Variants in CSMD3 observed in about 807,000 individuals in gnomAD.
CSMD3 encodes CUB and sushi domain-containing protein 3.
Under a neutral mutation model 435.2 loss-of-function variants are expected in CSMD3, and 177 were observed. The observed-to-expected ratio is 0.41, with a 90% CI of 0.36 to 0.46. The LOEUF (loss-of-function observed/expected upper bound fraction) is 0.46. CSMD3 is among the 20% of genes least tolerant of loss of function. The probability of loss-of-function intolerance (pLI) is 0.34; values close to 1 mark genes in which losing one functional copy is unlikely to be tolerated. For missense variants in CSMD3, 4,265 were observed against 4,504.6 expected (o/e 0.95, Z 1.52); for synonymous variants, 1,656 against 1,520.5 (o/e 1.09, Z -2.07).
At chr8:112,280,268 C>T (rs1372609973) in intron 59 of CSMD3, among the ~76,000 whole-genome samples, 1 of 152,034 alleles carries the variant, frequency 6.6e-6, no homozygotes, top group African/African-American at 2.4e-5. Context: ...CATGAACACA[C>T]AGTCTAAACA....
At chr8:113,256,875 T>A (rs1450260613) in intron 3 of CSMD3, among the ~76,000 whole-genome samples, 1 of 152,128 alleles carries the variant, frequency 6.6e-6, no homozygotes, top group Non-Finnish European at 1.5e-5. Context: ...CATATTAGAT[T>A]ACGTAGAAAT....
intron 9 of CSMD3, among the ~76,000 whole-genome samples, chr8:112,932,252 C>A (rs2083133547): frequency 6.6e-6 from 1 of 152,164 alleles, no homozygotes; most frequent in African/African-American, 2.4e-5. Flanking sequence ...GAATACTATT[C>A]AATCACAAAA....
At position 112,224,251 on chromosome 8, in the gene CSMD3, C is replaced by G. The variant is rs988767528; in HGVS notation, c.*520G>C. 1.3e-5 allele frequency: 2 copies of G among 158,342 alleles called. No homozygotes were observed. Among genetic ancestry groups the G allele is most frequent in the Non-Finnish European group, 2.8e-5 (2 of 71,322 alleles). The allele number at this position is 158,342 out of a possible 1,614,324, so 9.8% of individuals were successfully genotyped here. A position where few individuals can be genotyped will look rare whatever the true frequency, so the allele number is the denominator to read the frequency against. ...CTCATAAACATTTAAAGTCATAACT[C>G]AATCTTAAATAAAGAAAACAATGCC... On this transcript the variant is annotated 3_prime_UTR_variant, in exon 71 of 71. Transcript: ENST00000297405.
intron 13 of CSMD3, among the ~76,000 whole-genome samples, chr8:112,753,966 T>C (rs2077632565): frequency 7.8e-6 from 1 of 127,530 alleles, no homozygotes; most frequent in Admixed American, 8.5e-5. Flanking sequence ...TAAAGAAGTT[T>C]GAGAAAGAAG....
At chr8:112,344,440 G>A (rs1044302871) in intron 41 of CSMD3, among the ~76,000 whole-genome samples, 8 of 152,106 alleles carry the variant, frequency 5.3e-5, no homozygotes, top group African/African-American at 1.7e-4. Flanking sequence ...GTAAATATTT[G>A]TCAAAACTAT....
chr8:113,057,009 T>C (rs2088371859), intron 5 of CSMD3, among the ~76,000 whole-genome samples: 1 of 152,168 alleles, frequency 6.6e-6, no homozygotes, highest in Admixed American at 6.5e-5. Context: ...TTTGGGAAGC[T>C]GTTTGCCACC....
At chr8:113,081,228 T>C (rs574608291) in intron 5 of CSMD3, among the ~76,000 whole-genome samples, 1 of 152,312 alleles carries the variant, frequency 6.6e-6, no homozygotes, top group Admixed American at 6.5e-5. Flanking sequence ...TGTTTCCGGA[T>C]ACCATAATCT....
intron 31 of CSMD3, among the ~76,000 whole-genome samples, chr8:112,487,454 A>G (rs771670839): frequency 2.6e-5 from 4 of 152,208 alleles, no homozygotes; most frequent in Non-Finnish European, 5.9e-5. Context: ...CACTCAAAGA[A>G]TGTAGCAGAG....
intron 3 of CSMD3, among the ~76,000 whole-genome samples, chr8:113,247,288 T>A (rs2132276480): frequency 6.6e-6 from 1 of 152,260 alleles, no homozygotes; most frequent in African/African-American, 2.4e-5. Context: ...AATGACCAAC[T>A]TGGTATATGA....
At chr8:112,914,209 G>A (rs1587657332) in intron 10 of CSMD3, among the ~76,000 whole-genome samples, 1 of 151,744 alleles carries the variant, frequency 6.6e-6, no homozygotes, top group Non-Finnish European at 1.5e-5. Flanking sequence ...TCTTTCCTTT[G>A]TTTTGAATTG....
At chr8:112,727,156 T>C (rs2076983453) in intron 13 of CSMD3, among the ~76,000 whole-genome samples, 2 of 151,898 alleles carry the variant, frequency 1.3e-5, no homozygotes, top group Non-Finnish European at 2.9e-5. Context: ...TGAATAATTA[T>C]AGAATTTTCC....
intron 2 of CSMD3, among the ~76,000 whole-genome samples, chr8:113,308,459 G>C (rs574632576): frequency 6.6e-6 from 1 of 151,618 alleles, no homozygotes; most frequent in African/African-American, 2.4e-5. Flanking sequence ...TAGTAAAGAC[G>C]GGCTTTCACT....
intron 1 of CSMD3, among the ~76,000 whole-genome samples, chr8:113,365,601 A>T (rs564269899): frequency 6.6e-6 from 1 of 152,080 alleles, no homozygotes; most frequent in Admixed American, 6.6e-5. Context: ...ATTTTAATTC[A>T]ATATTTATAA....
rs1434462941 is a variant in CSMD3 at position 112,636,872 on chromosome 8, G to A, written c.3660C>T (p.Ile1220=). The A allele has an allele frequency of 6.2e-7, 1 of 1,613,556 alleles. No individual in the cohort carries two copies. Among genetic ancestry groups the A allele is most frequent in the Non-Finnish European group, 8.5e-7 (1 of 1,179,754 alleles). ...CTCGTCGGCCACCACCAAGACAGAT[G>A]ATCTCTGATGTTCCTTCCAGTCGAT... ...SGYRLEGTSE[I]ICLGGGRRVW... Residue 1220 remains isoleucine, a synonymous_variant, in exon 22 of 71, where the codon ATC becomes ATT. Coordinates refer to ENST00000297405, the MANE Select transcript of CSMD3 (RefSeq NM_198123.2).
chr8:112,774,048 A>G (rs1031989035), intron 13 of CSMD3, among the ~76,000 whole-genome samples: 2 of 152,042 alleles, frequency 1.3e-5, no homozygotes, highest in African/African-American at 4.8e-5. Flanking sequence ...TAATTCAAAT[A>G]AAAGAGAACA....
At chr8:113,411,631 A>G (rs2094560288) in intron 1 of CSMD3, among the ~76,000 whole-genome samples, 1 of 152,214 alleles carries the variant, frequency 6.6e-6, no homozygotes, top group African/African-American at 2.4e-5. Context: ...TAAATCCATT[A>G]AAGTCTAAAA....
intron 32 of CSMD3, among the ~76,000 whole-genome samples, chr8:112,437,379 C>A (rs1814478979): frequency 1.3e-5 from 2 of 151,948 alleles, no homozygotes; most frequent in African/African-American, 4.8e-5. Flanking sequence ...TACTTATTTA[C>A]AGAAAAAGTT....
At chr8:112,830,292 G>T (rs1195509542) in intron 11 of CSMD3, among the ~76,000 whole-genome samples, 1 of 151,990 alleles carries the variant, frequency 6.6e-6, no homozygotes, top group African/African-American at 2.4e-5. Context: ...TGCCAGAATG[G>T]TATCAAGTTT....
At chr8:113,254,612 G>A (rs2132319325) in intron 3 of CSMD3, among the ~76,000 whole-genome samples, 1 of 152,292 alleles carries the variant, frequency 6.6e-6, no homozygotes, top group African/African-American at 2.4e-5. Flanking sequence ...ATTCTACTAT[G>A]AGTTTTAAGT....
Sources: gnomAD v4.1 joint callset for allele counts (sites outside exome capture counted in the v4.1 genomes callset) on GRCh38, gnomAD v4.1.1 for gene constraint, MANE v1.5 for transcripts, NCBI Gene and HGNC (gene_info 2026-07-23, HGNC 2026-07-21) for gene names.